Variants in NGEF observed in about 807,000 individuals in gnomAD.
NGEF encodes the protein ephexin-1.
In NGEF, 31 loss-of-function variants were observed where a neutral mutation model predicts 80.9. The observed-to-expected ratio is 0.38, with a 90% CI of 0.29 to 0.52. NGEF has a LOEUF of 0.52. NGEF is among the 20% of genes least tolerant of loss of function. NGEF has a pLI of 0.84. For synonymous variants in NGEF, 371 were observed against 370.2 expected, an observed-to-expected ratio of 1.00 and a Z score of -0.03; for missense variants, 709 against 926.2, an observed-to-expected ratio of 0.77 and a Z score of 3.04.
intron 1 of NGEF, among the ~76,000 whole-genome samples, chr2:233,012,035 G>A (rs1171800249): frequency 6.6e-6 from 1 of 152,138 alleles, no homozygotes; most frequent in Non-Finnish European, 1.5e-5. Flanking sequence ...GTGCCAAGGG[G>A]CAGCCTGAGA....
chr2:232,881,161 C>G lies in NGEF; in HGVS notation c.1927G>C (p.Asp643His), dbSNP rs374536644. 1.2e-6 allele frequency: 2 copies of G among 1,612,566 alleles called. No individual in the cohort carries two copies. Among genetic ancestry groups the G allele is most frequent in the Non-Finnish European group, 1.7e-6 (2 of 1,179,994 alleles). Residue 643 changes from aspartate (D) to histidine (H), a missense_variant, in exon 14 of 15, where the codon GAC becomes CAC. Around this residue, in one of 2 missense-constraint regions of NGEF, gnomAD observed 426 missense variants for 622.9 expected, o/e 0.68. Transcript: ENST00000264051. ...LELADILNILDKTDDGWIFGE... is the reference protein window; with the variant it reads ...LELADILNILHKTDDGWIFGE... The stretch of plus-strand genomic sequence containing the variant: ...TGGGCCTCACCGTCGTCAGTCTTGT[C>G]CAGGATGTTGAGGATGTCGGCGAGC...
chr2:232,972,336 T>C (rs1694211295), intron 2 of NGEF, among the ~76,000 whole-genome samples: 1 of 152,254 alleles, frequency 6.6e-6, no homozygotes, highest in Non-Finnish European at 1.5e-5. Flanking sequence ...AACTACAGGA[T>C]AAAATGGTAG....
intron 5 of NGEF, among the ~76,000 whole-genome samples, chr2:232,905,295 G>A (rs1309586573): frequency 6.6e-6 from 1 of 152,256 alleles, no homozygotes; most frequent in African/African-American, 2.4e-5. Context: ...GTGGAAACGG[G>A]GTTTCGCTGT....
At chr2:232,904,904 C>G (rs1268958696) in intron 5 of NGEF, among the ~76,000 whole-genome samples, 1 of 152,214 alleles carries the variant, frequency 6.6e-6, no homozygotes, top group Non-Finnish European at 1.5e-5. Context: ...GATCGCACCA[C>G]TGCACTCCCG....
chr2:232,960,477 C>T (rs1014280561), intron 3 of NGEF, among the ~76,000 whole-genome samples: 2 of 152,190 alleles, frequency 1.3e-5, no homozygotes, highest in African/African-American at 2.4e-5. Context: ...CCATACCTCA[C>T]AGGCAGCCTG....
intron 8 of NGEF, among the ~76,000 whole-genome samples, chr2:232,890,158 A>T (rs2592123): frequency 7.5e-5 from 9 of 120,228 alleles, no homozygotes; most frequent in African/African-American, 2.7e-4. Context: ...AGGGAGTCTC[A>T]GTCCTGATTC....
chr2:233,012,730 G>GATTTTTACAATTTAAAAAA, intron 1 of NGEF: 1 of 403,634 alleles, frequency 2.5e-6, no homozygotes, highest in South Asian at 1.9e-5. Flanking sequence ...TTTAACAAGG[G>GATTTTTACAATTTAAAAAA]GCCCTGCATT....
intron 12 of NGEF, among the ~76,000 whole-genome samples, chr2:232,882,490 G>A (rs1169899285): frequency 1.3e-5 from 2 of 152,246 alleles, no homozygotes; most frequent in African/African-American, 4.8e-5. Flanking sequence ...CCTCTATGAT[G>A]TTCCCCTGTG....
At chr2:232,901,248 G>T in intron 5 of NGEF, 1 of 458,828 alleles carries the variant, frequency 2.2e-6, no homozygotes, top group Non-Finnish European at 2.9e-6. Flanking sequence ...GGCCGGCCGG[G>T]ACTACAGTGT....
At position 232,879,423 on chromosome 2, in the gene NGEF, C is replaced by CA; in HGVS notation, c.*65_*66insT. 2 of 881,296 alleles carry CA rather than the reference C, an allele frequency of 2.3e-6. No homozygotes were observed. Among genetic ancestry groups the CA allele is most frequent in the South Asian group, 4.4e-5 (2 of 45,522 alleles). 54.6% of individuals were successfully genotyped at this position (881,296 alleles called of 1,614,324 possible). A position where few individuals can be genotyped will look rare whatever the true frequency, so the allele number is the denominator to read the frequency against. ...GTGCTGGCCTGTGCTTCCCAGAGCC[C>CA]CCCCCCCCCCACCTTCTGTCGGGGT... On this transcript the variant is annotated 3_prime_UTR_variant, in exon 15 of 15. Coordinates refer to ENST00000264051, the MANE Select transcript of NGEF (RefSeq NM_019850.3).
intron 6 of NGEF, among the ~76,000 whole-genome samples, chr2:232,893,296 G>T (rs1691942190): frequency 6.6e-6 from 1 of 152,206 alleles, no homozygotes; most frequent in Non-Finnish European, 1.5e-5. Context: ...TATCTTTCAG[G>T]TATGTGCTGA....
intron 1 of NGEF, among the ~76,000 whole-genome samples, chr2:232,984,562 C>A (rs144864807): frequency 6.6e-6 from 1 of 152,126 alleles, no homozygotes. Flanking sequence ...GGGGAAAGAA[C>A]AAGCTAGACA....
At chr2:232,905,529 C>G (rs1692483766) in intron 5 of NGEF, 1 of 289,378 alleles carries the variant, frequency 3.5e-6, no homozygotes, top group African/African-American at 2.3e-5. Context: ...GCCACCCCGT[C>G]TGGGAAGTGA....
intron 8 of NGEF, among the ~76,000 whole-genome samples, chr2:232,890,355 G>C (rs530907359): frequency 6.6e-6 from 1 of 152,274 alleles, no homozygotes; most frequent in South Asian, 2.1e-4. Context: ...AGCTCTGTGG[G>C]TTTCCACCTC....
rs147341439 is a variant in NGEF at position 233,001,786 on chromosome 2, G to A, written c.-75+11282C>T. Among the ~76,000 whole-genome samples, 747 of 151,954 alleles carry A rather than the reference G, an allele frequency of 4.9e-3. 19 individuals are homozygous for A. The highest frequency in any genetic ancestry group is 0.038 in the East Asian group (194 of 5,152). ...CCCAGCTACTTTGGGAGGCCGAGGC[G>A]GGTGGATCACCTGAGGTCAGGAGTT... On this transcript the variant is annotated intron_variant, in intron 1 of 14. Transcript: ENST00000264051.
At chr2:232,983,341 C>G (rs141877746) in intron 1 of NGEF, among the ~76,000 whole-genome samples, 1 of 151,910 alleles carries the variant, frequency 6.6e-6, no homozygotes, top group East Asian at 1.9e-4. Context: ...GGAGGGTCCC[C>G]GAGCGGTGAG....
In NGEF at chr2:232,883,966, T is replaced by G; in HGVS notation, c.1601+15A>C. ...CTACCCACCGGAGCGCCTGATGCCCTGGGCCCCGACTCACCCTGGAATCTG... is the reference window on the plus strand; with the variant it reads ...CTACCCACCGGAGCGCCTGATGCCCGGGGCCCCGACTCACCCTGGAATCTG... On this transcript the variant is annotated intron_variant, in intron 11 of 14. Transcript: ENST00000264051. The G allele has an allele frequency of 1.9e-6, 3 of 1,597,772 alleles. No homozygotes were observed. The highest frequency in any genetic ancestry group is 2.6e-6 in the Non-Finnish European group (3 of 1,171,912).
intron 3 of NGEF, among the ~76,000 whole-genome samples, chr2:232,965,285 G>A (rs899853375): frequency 6.6e-6 from 1 of 152,192 alleles, no homozygotes; most frequent in Non-Finnish European, 1.5e-5. Flanking sequence ...CAAGGAGACA[G>A]AGAATGATTT....
intron 1 of NGEF, among the ~76,000 whole-genome samples, chr2:232,991,455 G>C (rs1042692491): frequency 1.3e-5 from 2 of 151,396 alleles, no homozygotes; most frequent in Middle Eastern, 3.4e-3. Flanking sequence ...TAGCAGGAAG[G>C]AATAAACCAT....
Sources: allele counts gnomAD v4.1 joint callset (sites outside exome capture counted in the v4.1 genomes callset), GRCh38; gene constraint gnomAD v4.1.1; regional missense constraint gnomAD v4.1.1; transcripts MANE v1.5; gene names NCBI Gene and HGNC (gene_info 2026-07-23, HGNC 2026-07-21).